The following CHD5 variants were observed in gnomAD, a reference collection of about 807,000 sequenced individuals.
CHD5 encodes the protein ATP-dependent chromatin remodeler CHD5.
A neutral mutation model predicts 230.3 loss-of-function variants in CHD5; 69 were observed. The observed-to-expected ratio is 0.30, with a 90% confidence interval of 0.25 to 0.37. The LOEUF (loss-of-function observed/expected upper bound fraction) is 0.37. Ranked by LOEUF, CHD5 falls within the 10% of genes least tolerant of loss-of-function variation. The pLI is 1.00. For synonymous variants in CHD5, 1,064 were observed against 1,065.9 expected (o/e 1.00, Z 0.03); for missense variants, 1,827 against 2,622.8 (o/e 0.70, Z 6.63).
intron 1 of CHD5, among the ~76,000 whole-genome samples, chr1:6,173,157 T>G (rs974510139): frequency 1.3e-5 from 2 of 149,628 alleles, no homozygotes; most frequent in Non-Finnish European, 3.0e-5. Flanking sequence ...CAGGCTGGAG[T>G]GCAGTGGCGC....
chr1:6,140,548 G>A (rs972996042), intron 15 of CHD5, among the ~76,000 whole-genome samples: 4 of 152,156 alleles, frequency 2.6e-5, no homozygotes, highest in African/African-American at 7.2e-5. Context: ...TGACTCTGTG[G>A]GGTGTGTCTG....
chr1:6,148,730 T>C lies in CHD5; in HGVS notation c.1383+124A>G, dbSNP rs949625701. ...GCGGGCGAAGCTTTGCGGGATCGGC[T>C]ACCGAGGCGGGGCAGGAGCCGGCAG... On this transcript the variant is annotated intron_variant, in intron 9 of 41. Transcript: ENST00000262450. 1.6e-5 allele frequency: 11 copies of C among 691,926 alleles called. No homozygotes were observed. The Admixed American group carries it at 1.6e-4, about 10-fold the overall frequency. The allele number at this position is 691,926 out of a possible 1,614,324, so 42.9% of individuals were successfully genotyped here.
rs1666962011 is a variant in CHD5, at chr1:6,149,323, G to A, written c.1084C>T (p.Pro362Ser). The A allele has an allele frequency of 6.2e-7, 1 of 1,613,104 alleles. No homozygotes were observed. Among genetic ancestry groups the A allele is most frequent in the African/African-American group, 1.3e-5 (1 of 74,702 alleles). The change falls in exon 8 of 42, where the codon CCG (proline) becomes TCG (serine). Residue 362 changes from proline to serine, a missense_variant. Around this residue, in one of 14 missense-constraint regions of CHD5, gnomAD observed 657 missense variants for 816.4 expected, o/e 0.80. Transcript: ENST00000262450. ...GGEIILCDTCPRAYHLVCLDP... is the reference protein window; with the variant it reads ...GGEIILCDTCSRAYHLVCLDP... The stretch of plus-strand genomic sequence containing the variant: ...AGGCATACGAGATGGTAGGCCCTCG[G>A]GCAGGTGTCGCACAGGATGATCTCC...
In CHD5 at chr1:6,121,529, C is replaced by G; in HGVS notation, c.4744G>C (p.Gly1582Arg). 1 of 1,613,108 alleles carries G rather than the reference C, an allele frequency of 6.2e-7. No homozygotes were observed. The highest frequency in any genetic ancestry group is 8.5e-7 in the Non-Finnish European group (1 of 1,179,650). The change falls in exon 32 of 42, where the codon GGG becomes CGG. Residue 1582 changes from glycine (G) to arginine (R), a missense_variant. Around this residue, in one of 14 missense-constraint regions of CHD5, gnomAD observed 272 missense variants for 263.2 expected, o/e 1.03. Coordinates refer to ENST00000262450, the MANE Select transcript of CHD5 (RefSeq NM_015557.3). The surrounding 1 kb of genome is among the most constrained non-coding windows in gnomAD (Gnocchi z 4.5). The part of the protein sequence containing the change: ...QLGYMDEKDP[G>R]AQKPRQPLEV... Reference sequence around the variant, plus strand: ...AGGGGCTGCCTTGGCTTCTGTGCCCCGGGGTCTTTCTCATCCATGTAGCCC... The same window carrying G: ...AGGGGCTGCCTTGGCTTCTGTGCCCGGGGGTCTTTCTCATCCATGTAGCCC...
chr1:6,158,633 G>GA (rs1238646401), intron 3 of CHD5, among the ~76,000 whole-genome samples: 2 of 151,128 alleles, frequency 1.3e-5, no homozygotes, highest in Admixed American at 6.6e-5. Context: ...TTCTAAAAAA[G>GA]AAAAAAAGAA....
At chr1:6,159,621 C>T (rs552575335) in intron 2 of CHD5, 106 bp from the exon 3 acceptor site, 16 of 861,974 alleles carry the variant, frequency 1.9e-5, no homozygotes, top group East Asian at 7.9e-5. Flanking sequence ...CGCTGGGGAT[C>T]GACCGATCCC....
chr1:6,113,023 C>T, intron 33 of CHD5, 25 bp from the exon 34 acceptor site: 1 of 1,534,454 alleles, frequency 6.5e-7, no homozygotes, highest in Non-Finnish European at 9.0e-7. Flanking sequence ...GGGTTCGCGG[C>T]ATGGGGTGGG....
chr1:6,149,287 G>A lies in CHD5; in HGVS notation c.1120C>T (p.Leu374=), dbSNP rs765209995. The change falls in exon 8 of 42, where the codon CTG becomes TTG. Residue 374 remains leucine, a synonymous_variant. Coordinates refer to ENST00000262450, the MANE Select transcript of CHD5 (RefSeq NM_015557.3). ...CACTTGCCCTCGGGAGCCTTCTCCA[G>A]CTCTGGGTCCAGGCATACGAGATGG... ...AYHLVCLDPE[L]EKAPEGKWSC... The A allele has an allele frequency of 6.2e-7, 1 of 1,602,720 alleles. No individual in the cohort carries two copies. Among genetic ancestry groups the A allele is most frequent in the East Asian group, 2.2e-5 (1 of 44,534 alleles).
Position 6,131,633 on chromosome 1 carries a change from T to C in CHD5, c.3260A>G (p.Asn1087Ser), listed in dbSNP as rs1178140926. The change falls in exon 21 of 42, where the codon AAT (asparagine) becomes AGT (serine). Residue 1087 changes from asparagine to serine, a missense_variant and splice_region_variant. By Grantham distance (46) the Asn-to-Ser change is conservative (BLOSUM62 1). Coordinates refer to ENST00000262450, the MANE Select transcript of CHD5 (RefSeq NM_015557.3). This position sits in a 1 kb window ranked among gnomAD's most constrained non-coding sequence, Gnocchi z 5.0. ...ACCCTTGGGCAGGATGGGGGTACCATTGAATCTGTCGATTGCCTCCTGCCG... is the reference window on the plus strand; with the variant it reads ...ACCCTTGGGCAGGATGGGGGTACCACTGAATCTGTCGATTGCCTCCTGCCG... ...GLRQEAIDRFNAPGAQQFCFL... is the reference protein window; with the variant it reads ...GLRQEAIDRFSAPGAQQFCFL... 3.8e-6 allele frequency: 6 copies of C among 1,581,342 alleles called. No homozygotes were observed. Among genetic ancestry groups the C allele is most frequent in the African/African-American group, 1.3e-5 (1 of 74,302 alleles).
At position 6,149,020 on chromosome 1, in the gene CHD5, C is replaced by T; in HGVS notation, c.1217G>A (p.Gly406Asp). The T allele has an allele frequency of 2.5e-6, 4 of 1,601,832 alleles. No homozygotes were observed. The highest frequency in any genetic ancestry group is 3.4e-6 in the Non-Finnish European group (4 of 1,174,732). The change falls in exon 9 of 42, where the codon GGC (glycine) becomes GAC (aspartate). Residue 406 changes from glycine to aspartate, a missense_variant. By Grantham distance (94) the Gly-to-Asp change is moderately conservative. This residue lies in a region of CHD5 where 657 missense variants were observed against 816.4 expected (regional missense o/e 0.80). Transcript: ENST00000262450. The stretch of plus-strand genomic sequence containing the variant: ...GTCGTCCTCCTCCTCCTCGCAGCCG[C>T]CCTCCTCCTCTTCATCGTCGTCGTC... ...PKDDDDEEEEGGCEEEEDDHM... is the reference protein window; with the variant it reads ...PKDDDDEEEEDGCEEEEDDHM...
chr1:6,126,547 C>A lies in CHD5; in HGVS notation c.4078+25G>T. ...ACCCTCCGCCTCTGGGTGAGGGGCA[C>A]CAGTCCCTCCCTCCCGGCACGCACC... On this transcript the variant is annotated intron_variant, in intron 26 of 41. Transcript: ENST00000262450. This position sits in a 1 kb window ranked among gnomAD's most constrained non-coding sequence, Gnocchi z 5.7. 6.2e-7 allele frequency: 1 copy of A among 1,610,574 alleles called. No individual in the cohort carries two copies. The highest frequency in any genetic ancestry group is 8.5e-7 in the Non-Finnish European group (1 of 1,179,048).
intron 33 of CHD5, among the ~76,000 whole-genome samples, chr1:6,114,563 T>C (rs541156350): frequency 3.3e-5 from 5 of 151,690 alleles, no homozygotes; most frequent in Non-Finnish European, 5.9e-5. Flanking sequence ...AAAAATCTCA[T>C]AATGTTTTAA....
intron 38 of CHD5, among the ~76,000 whole-genome samples, chr1:6,109,075 A>G (rs1281247805): frequency 6.6e-6 from 1 of 152,014 alleles, no homozygotes; most frequent in Non-Finnish European, 1.5e-5. Context: ...GTGGGGACAC[A>G]GCAGGAGCTT....
chr1:6,103,415 C>T lies in CHD5; in HGVS notation c.*2059G>A, dbSNP rs1350483984. 1 of 152,568 alleles carries T rather than the reference C, an allele frequency of 6.6e-6. No homozygotes were observed. The highest frequency in any genetic ancestry group is 1.5e-5 in the Non-Finnish European group (1 of 68,270). The allele number at this position is 152,568 out of a possible 1,614,324, so 9.5% of individuals were successfully genotyped here. Reference sequence around the variant, plus strand: ...GGAAGGCGCACAGGGGAGGGACCATCAGCCCTTGGGGTGGAGACACAGACC... The same window carrying T: ...GGAAGGCGCACAGGGGAGGGACCATTAGCCCTTGGGGTGGAGACACAGACC... On this transcript the variant is annotated 3_prime_UTR_variant, in exon 42 of 42. Transcript: ENST00000262450.
In CHD5 at chr1:6,167,605, A is replaced by G. The variant is rs1415433287; in HGVS notation, c.207+545T>C. ...AGAAGCACACTCGGAATGTGTCAGC[A>G]GCGTGGGAAGACAAGGGACGTGTTC... On this transcript the variant is annotated intron_variant, in intron 2 of 41. Coordinates refer to ENST00000262450, the MANE Select transcript of CHD5 (RefSeq NM_015557.3). The surrounding 1 kb of genome is among the most constrained non-coding windows in gnomAD (Gnocchi z 4.5). Among the ~76,000 whole-genome samples the G allele has an allele frequency of 6.6e-6, 1 of 152,212 alleles. No homozygotes were observed. The highest frequency in any genetic ancestry group is 1.5e-5 in the Non-Finnish European group (1 of 68,038).
intron 38 of CHD5, among the ~76,000 whole-genome samples, chr1:6,108,427 G>A (rs1666231635): frequency 6.8e-6 from 1 of 147,610 alleles, no homozygotes; most frequent in Non-Finnish European, 1.5e-5. Context: ...GAGATGGAAG[G>A]ATGGAGAGAT....
intron 9 of CHD5, 58 bp downstream of exon 9, chr1:6,148,796 C>T (rs1445790205): frequency 6.4e-6 from 7 of 1,085,338 alleles, no homozygotes; most frequent in Non-Finnish European, 8.1e-6. Context: ...CCCCTGGGGG[C>T]GGGGCCTGTT....
chr1:6,124,506 TACTC>T lies in CHD5; in HGVS notation c.4539+7_4539+10del. 3.1e-6 allele frequency: 5 copies of T among 1,613,958 alleles called. No homozygotes were observed. Among genetic ancestry groups the T allele is most frequent in the Non-Finnish European group, 4.2e-6 (5 of 1,179,940 alleles). On this transcript the variant is annotated splice_region_variant and intron_variant, in intron 30 of 41. Transcript: ENST00000262450. ...CACCAGGAAGGGCCCTACAGAGAGTTACTCACCCACCTTCTTCCTAACTAGTGAC... is the reference window on the plus strand; with the variant it reads ...CACCAGGAAGGGCCCTACAGAGAGTTACCCACCTTCTTCCTAACTAGTGAC...
At chr1:6,161,378 C>A (rs907004216) in intron 2 of CHD5, among the ~76,000 whole-genome samples, 2 of 152,148 alleles carry the variant, frequency 1.3e-5, no homozygotes, top group Non-Finnish European at 2.9e-5. Flanking sequence ...CTGGGAAGCA[C>A]CCCTTCCAAC....
Sources: gnomAD v4.1 joint callset for allele counts (sites outside exome capture counted in the v4.1 genomes callset) on GRCh38, gnomAD v4.1.1 for gene constraint, gnomAD v4.1.1 regional missense constraint, Gnocchi (gnomAD v3.1) non-coding constraint, MANE v1.5 for transcripts, NCBI Gene and HGNC (gene_info 2026-07-23, HGNC 2026-07-21) for gene names.